Variants in PARP3 observed in about 807,000 individuals in gnomAD.
The protein encoded by PARP3 is poly(ADP-ribose) polymerase family member 3, also known as protein mono-ADP-ribosyltransferase PARP3.
Under a neutral mutation model 58.2 loss-of-function variants are expected in PARP3, and 46 were observed. The ratio of observed to expected loss-of-function variants is 0.79; its 90% CI spans 0.62 to 1.01. The LOEUF (loss-of-function observed/expected upper bound fraction) is 1.01. PARP3 is among the 50% of genes least tolerant of loss of function. The pLI, the probability that PARP3 is intolerant of heterozygous loss-of-function variation, is 0.00. For synonymous variants in PARP3, 252 were observed against 266.4 expected (o/e 0.95, Z 0.53); for missense variants, 663 against 683.9 (o/e 0.97, Z 0.34).
At position 51,944,004 on chromosome 3, in the gene PARP3, TG is replaced by T. The variant is rs1460276867; in HGVS notation, c.184-84del. On this transcript the variant is annotated intron_variant, in intron 2 of 10. Transcript: ENST00000398755. This position sits in a 1 kb window ranked among gnomAD's most constrained non-coding sequence, Gnocchi z 4.2. ...CTGACTCCCACTGCCGTCAGACTCC[TG>T]TCCCCATCAGAGCCCTCTCGGTGTA... 1.5e-5 allele frequency: 20 copies of T among 1,348,230 alleles called. 2 individuals are homozygous for T. In the South Asian group the frequency reaches 2.5e-4, roughly 17 times the overall value. 83.5% of individuals were successfully genotyped at this position (1,348,230 alleles called of 1,614,324 possible). A position where few individuals can be genotyped will look rare whatever the true frequency, so the allele number is the denominator to read the frequency against.
In PARP3 at chr3:51,944,744, G is replaced by C. The variant is rs375850621; in HGVS notation, c.502-34G>C. The C allele has an allele frequency of 7.6e-6, 12 of 1,589,174 alleles. No individual in the cohort carries two copies. The African/African-American group carries it at 9.4e-5, about 12-fold the overall frequency. Reference sequence around the variant, plus strand: ...TCTGTCTGGTGTCACGCCCTGCCCCGCTGCTCCTGCCCACATGTGCCCTCT... The same window carrying C: ...TCTGTCTGGTGTCACGCCCTGCCCCCCTGCTCCTGCCCACATGTGCCCTCT... On this transcript the variant is annotated intron_variant, in intron 4 of 10. Coordinates refer to ENST00000398755, the MANE Select transcript of PARP3 (RefSeq NM_001003931.4). This position sits in a 1 kb window ranked among gnomAD's most constrained non-coding sequence, Gnocchi z 4.2.
Position 51,945,886 on chromosome 3 carries a change from A to G in PARP3, c.1045A>G (p.Asn349Asp), listed in dbSNP as rs761707566. 73 of 1,614,134 alleles carry G rather than the reference A, an allele frequency of 4.5e-5. No homozygotes were observed. Among genetic ancestry groups the G allele is most frequent in the Non-Finnish European group, 6.0e-5 (71 of 1,180,014 alleles). The change falls in exon 8 of 11, where the codon AAC becomes GAC. Residue 349 changes from asparagine (N) to aspartate (D), a missense_variant. Around this residue, in one of 3 missense-constraint regions of PARP3, gnomAD observed 567 missense variants for 553.6 expected, o/e 1.02. Coordinates refer to ENST00000398755, the MANE Select transcript of PARP3 (RefSeq NM_001003931.4). ...GACCTACTTAGAACAGACTGGCAGC[A>G]ACCACAGGTGCCCTACACTTCAACA... Reference protein sequence around the residue: ...IQTYLEQTGSNHRCPTLQHIW... With the variant: ...IQTYLEQTGSDHRCPTLQHIW...
In PARP3 at chr3:51,945,131, CTT is replaced by C. The variant is rs1699643791; in HGVS notation, c.771_772del (p.Phe257LeufsTer20). ...AAAGCCTGGAGGAGCTGTCCTCACA[CTT>C]TTACACCGTCATCCCGCACAACTTC... is the stretch of plus-strand genomic sequence containing the variant. ...GQSLEELSSH[F>X]YTVIPHNFGH... On this transcript the variant is annotated frameshift_variant, in exon 6 of 11. Transcript: ENST00000398755. LOFTEE classifies it high-confidence loss of function. 6.2e-7 allele frequency: 1 copy of C among 1,614,120 alleles called. No individual in the cohort carries two copies. Among genetic ancestry groups the C allele is most frequent in the Non-Finnish European group, 8.5e-7 (1 of 1,180,048 alleles).
At chr3:51,943,239 C>T (rs941918930) in intron 1 of PARP3, 115 bp from the exon 2 acceptor site, 26 of 1,171,928 alleles carry the variant, frequency 2.2e-5, no homozygotes, top group Middle Eastern at 2.7e-4. Flanking sequence ...AGGGCCAACC[C>T]GGGGTGGGGC....
Position 51,948,331 on chromosome 3 carries a change from T to G in PARP3, c.1453T>G (p.Leu485Val), listed in dbSNP as rs780471800. 3 of 1,613,874 alleles carry G rather than the reference T, an allele frequency of 1.9e-6. No homozygotes were observed. Among genetic ancestry groups the G allele is most frequent in the Non-Finnish European group, 2.5e-6 (3 of 1,179,812 alleles). The change falls in exon 11 of 11, where the codon TTG becomes GTG. Residue 485 changes from leucine to valine, a missense_variant. By Grantham distance (32) the Leu-to-Val change is conservative. Transcript: ENST00000398755. ...TGCAGATCCGACCCAGGACACTGAG[T>G]TGGAGCTGGATGGCCAGCAAGTGGT... ...TEPDPTQDTE[L>V]ELDGQQVVVP... is the part of the protein sequence containing the mutation.
rs1479672420 is a variant in PARP3 at position 51,945,192 on chromosome 3, G to A, written c.829G>A (p.Glu277Lys). ...CCAGCCCCCGCCCATCAATTCCCCTGAGCTTCTGCAGGCCAAGAAGGACAT... is the reference window on the plus strand; with the variant it reads ...CCAGCCCCCGCCCATCAATTCCCCTAAGCTTCTGCAGGCCAAGAAGGACAT... ...HSQPPPINSP[E>K]LLQAKKDMLL... Residue 277 changes from glutamate (E) to lysine (K), a missense_variant, in exon 6 of 11, where the codon GAG becomes AAG. Physicochemically the swap from Glu to Lys is moderately conservative, Grantham distance 56 (BLOSUM62 1). Around this residue, in one of 3 missense-constraint regions of PARP3, gnomAD observed 567 missense variants for 553.6 expected, o/e 1.02. Transcript: ENST00000398755. The A allele has an allele frequency of 1.2e-6, 2 of 1,613,972 alleles. No homozygotes were observed. Among genetic ancestry groups the A allele is most frequent in the Non-Finnish European group, 1.7e-6 (2 of 1,180,022 alleles).
At position 51,947,757 on chromosome 3, in the gene PARP3, GGGGCCCACCATGTC is replaced by G; in HGVS notation, c.1297_1310del (p.Ala433LeufsTer6). ...TCTTGCAGTTATTGGCATGAAGTGT[GGGGCCCACCATGTC>G]GGCTACATGTTCCTGGGTGAGGTGG... is the stretch of plus-strand genomic sequence containing the variant. On this transcript the variant is annotated frameshift_variant, in exon 10 of 11. Transcript: ENST00000398755. LOFTEE classifies it high-confidence loss of function. 1 of 1,614,158 alleles carries G rather than the reference GGGGCCCACCATGTC, an allele frequency of 6.2e-7. No individual in the cohort carries two copies. The highest frequency in any genetic ancestry group is 8.5e-7 in the Non-Finnish European group (1 of 1,180,010).
rs1258342395 is a variant in PARP3 at position 51,945,893 on chromosome 3, G to A, written c.1052G>A (p.Arg351Lys). Residue 351 changes from arginine to lysine, a missense_variant, in exon 8 of 11, where the codon AGG becomes AAG. By Grantham distance (26) the Arg-to-Lys change is conservative (BLOSUM62 2). Transcript: ENST00000398755. ...TTAGAACAGACTGGCAGCAACCACA[G>A]GTGCCCTACACTTCAACACATCTGG... ...TYLEQTGSNHRCPTLQHIWKV... is the reference protein window; with the variant it reads ...TYLEQTGSNHKCPTLQHIWKV... 1 of 1,613,970 alleles carries A rather than the reference G, an allele frequency of 6.2e-7. No individual in the cohort carries two copies. Among genetic ancestry groups the A allele is most frequent in the Non-Finnish European group, 8.5e-7 (1 of 1,180,016 alleles).
At chr3:51,943,317 C>A in intron 1 of PARP3, 37 bp from the exon 2 acceptor site, 3 of 1,516,574 alleles carry the variant, frequency 2.0e-6, no homozygotes, top group South Asian at 2.5e-5. Context: ...ATGAGGAGAC[C>A]ATGGAGGCCT....
chr3:51,943,030 C>G, intron 1 of PARP3: 1 of 1,396,220 alleles, frequency 7.2e-7, no homozygotes, highest in African/African-American at 1.4e-5. Context: ...ACTTTCCCTA[C>G]CCCTCAGGAC....
intron 1 of PARP3, chr3:51,942,916 A>C (rs1577655382): frequency 1.4e-6 from 2 of 1,409,536 alleles, no homozygotes; most frequent in Non-Finnish European, 1.8e-6. Flanking sequence ...TCCTCTGCCC[A>C]CCCTCCCCCA....
chr3:51,944,064 G>A lies in PARP3; in HGVS notation c.184-25G>A. On this transcript the variant is annotated intron_variant, in intron 2 of 10. Coordinates refer to ENST00000398755, the MANE Select transcript of PARP3 (RefSeq NM_001003931.4). The surrounding 1 kb of genome is among the most constrained non-coding windows in gnomAD (Gnocchi z 4.2). ...CACCCCATCTGACCCCAGCCAGCCT[G>A]CCCCCCACCTCCCCTCTGGCCCAGG... is the stretch of plus-strand genomic sequence containing the variant. The A allele has an allele frequency of 1.2e-6, 2 of 1,608,202 alleles. No individual in the cohort carries two copies. The highest frequency in any genetic ancestry group is 1.7e-6 in the Non-Finnish European group (2 of 1,177,376).
At chr3:51,947,660 A>C (rs1699710618) in intron 9 of PARP3, 80 bp from the exon 10 acceptor site, 1 of 1,474,488 alleles carries the variant, frequency 6.8e-7, no homozygotes, top group African/African-American at 1.4e-5. Context: ...CAGAAGGAAT[A>C]ACATCGCAGC....
intron 1 of PARP3, 26 bp downstream of exon 1, chr3:51,942,734 G>A (rs957508738): frequency 3.2e-6 from 5 of 1,553,576 alleles, no homozygotes; most frequent in South Asian, 1.2e-5. Flanking sequence ...TCCTGCCCAC[G>A]GCAGGGCAGG....
chr3:51,948,000 C>T (rs1699720922), intron 10 of PARP3, 105 bp downstream of exon 10: 2 of 1,129,998 alleles, frequency 1.8e-6, no homozygotes, highest in South Asian at 1.4e-5. Flanking sequence ...AAGAAGCTTC[C>T]CTGTCGTCAC....
chr3:51,945,618 C>G lies in PARP3; in HGVS notation c.985C>G (p.Leu329Val). Reference protein sequence around the residue: ...YQLLKCQLQLLDSGAPEYKVI... With the variant: ...YQLLKCQLQLVDSGAPEYKVI... The stretch of plus-strand genomic sequence containing the variant: ...GCTTCTCAAGTGCCAGCTGCAGCTG[C>G]TAGACTCTGGAGCACCTGAGTACAA... The change falls in exon 7 of 11, where the codon CTA becomes GTA. Residue 329 changes from leucine (L) to valine (V), a missense_variant. Physicochemically the swap from Leu to Val is conservative, Grantham distance 32. Transcript: ENST00000398755. The G allele has an allele frequency of 7.4e-6, 12 of 1,613,988 alleles. No individual in the cohort carries two copies. Among genetic ancestry groups the G allele is most frequent in the Non-Finnish European group, 1.0e-5 (12 of 1,179,996 alleles).
rs1185179909 is a variant in PARP3, at chr3:51,946,278, A to AT, written c.1213dup (p.Ser405PhefsTer39). On this transcript the variant is annotated frameshift_variant, in exon 9 of 11. Transcript: ENST00000398755. LOFTEE classifies it high-confidence loss of function. The surrounding 1 kb of genome is among the most constrained non-coding windows in gnomAD (Gnocchi z 4.6). The stretch of plus-strand genomic sequence containing the variant: ...ACTAGTGGGCTCCGCATCATGCCAC[A>AT]TTCTGGTGGGCGTGTTGGCAAGGGC... 13 of 1,613,866 alleles carry AT rather than the reference A, an allele frequency of 8.1e-6. No homozygotes were observed. The highest frequency in any genetic ancestry group is 9.3e-6 in the Non-Finnish European group (11 of 1,179,950).
At position 51,943,546 on chromosome 3, in the gene PARP3, G is replaced by T; in HGVS notation, c.183+8G>T. 6.2e-7 allele frequency: 1 copy of T among 1,604,534 alleles called. No homozygotes were observed. The highest frequency in any genetic ancestry group is 1.3e-5 in the African/African-American group (1 of 74,854). Reference sequence around the variant, plus strand: ...AGCAACCCCGGGACCCAGGTGAGCTGCAGTCCCCAGTCAGGCCCAGAGCCT... The same window carrying T: ...AGCAACCCCGGGACCCAGGTGAGCTTCAGTCCCCAGTCAGGCCCAGAGCCT... On this transcript the variant is annotated splice_region_variant and intron_variant, in intron 2 of 10. Transcript: ENST00000398755.
In PARP3 at chr3:51,945,624, T is replaced by C. The variant is rs1045321907; in HGVS notation, c.991T>C (p.Ser331Pro). Residue 331 changes from serine to proline, a missense_variant, in exon 7 of 11, where the codon TCT becomes CCT. Around this residue, in one of 3 missense-constraint regions of PARP3, gnomAD observed 567 missense variants for 553.6 expected, o/e 1.02. Transcript: ENST00000398755. ...CAAGTGCCAGCTGCAGCTGCTAGAC[T>C]CTGGAGCACCTGAGTACAAGGTGAG... ...LLKCQLQLLD[S>P]GAPEYKVIQT... 5.0e-6 allele frequency: 8 copies of C among 1,613,844 alleles called. No individual in the cohort carries two copies. In the East Asian group the frequency reaches 1.6e-4, roughly 31 times the overall value.
Sources: allele counts gnomAD v4.1 joint callset, GRCh38; gene constraint gnomAD v4.1.1; regional missense constraint gnomAD v4.1.1; non-coding constraint Gnocchi (gnomAD v3.1); transcripts MANE v1.5; gene names NCBI Gene and HGNC (gene_info 2026-07-23, HGNC 2026-07-21).